PDZRN3: variants seen among roughly 807,000 people sequenced by gnomAD.
PDZRN3 encodes the protein E3 ubiquitin-protein ligase PDZRN3.
In PDZRN3, 38 loss-of-function variants were observed where a neutral mutation model predicts 85.7. That is an observed-to-expected ratio of 0.44 (90% CI 0.34 to 0.58). The LOEUF (loss-of-function observed/expected upper bound fraction) is 0.58, where lower values mean the gene tolerates loss of function less well. Ranked by LOEUF, PDZRN3 falls within the 20% of genes least tolerant of loss-of-function variation. PDZRN3 has a pLI of 0.01. For synonymous variants in PDZRN3, 759 were observed against 638.0 expected (o/e 1.19, Z -2.86); for missense variants, 1,629 against 1,506.4 (o/e 1.08, Z -1.35).
At chr3:73,549,261 C>A (rs138448890) in intron 3 of PDZRN3, among the ~76,000 whole-genome samples, 6 of 152,142 alleles carry the variant, frequency 3.9e-5, no homozygotes, top group Non-Finnish European at 8.8e-5. Flanking sequence ...TGGCAGTGCA[C>A]GACTTCAATT....
intron 3 of PDZRN3, among the ~76,000 whole-genome samples, chr3:73,588,716 C>G (rs1010186159): frequency 6.6e-6 from 1 of 152,200 alleles, no homozygotes; most frequent in African/African-American, 2.4e-5. Flanking sequence ...ATGACAATGA[C>G]TTTCCATTTA....
In PDZRN3 at chr3:73,483,035, T is replaced by C. The variant is rs571194529; in HGVS notation, c.919-78640A>G. 2.0e-5 allele frequency among the ~76,000 whole-genome samples: 3 copies of C among 152,344 alleles called. No individual in the cohort carries two copies. In the South Asian group the frequency reaches 6.2e-4, roughly 32 times the overall value. On this transcript the variant is annotated intron_variant, in intron 3 of 9. Coordinates refer to ENST00000263666, the MANE Select transcript of PDZRN3 (RefSeq NM_015009.3). ...GAGAACAGAAGAGAACAAACACGCATGCCTTGCCTTTGCTTTATAATCCAG... is the reference window on the plus strand; with the variant it reads ...GAGAACAGAAGAGAACAAACACGCACGCCTTGCCTTTGCTTTATAATCCAG...
chr3:73,498,981 G>C (rs966323985), intron 3 of PDZRN3, among the ~76,000 whole-genome samples: 11 of 152,142 alleles, frequency 7.2e-5, no homozygotes, highest in African/African-American at 2.7e-4. Flanking sequence ...ATACAAGCTG[G>C]GGTAGCAGGG....
intron 3 of PDZRN3, among the ~76,000 whole-genome samples, chr3:73,461,044 T>G (rs1232264219): frequency 6.6e-6 from 1 of 152,200 alleles, no homozygotes; most frequent in African/African-American, 2.4e-5. Context: ...TCAAGCCACC[T>G]TGGCCTCCCA....
chr3:73,454,571 T>G (rs755086659), intron 3 of PDZRN3, among the ~76,000 whole-genome samples: 38 of 152,182 alleles, frequency 2.5e-4, no homozygotes, highest in Non-Finnish European at 4.4e-4. Context: ...GGGTTGTTAT[T>G]GGAATTAATC....
In PDZRN3 at chr3:73,452,040, T is replaced by A. The variant is rs149413685; in HGVS notation, c.919-47645A>T. ...AATGTGGGTAAGCAATAACCTGCTA[T>A]GTCTTTATGGGCTAGTTAGCTCAGC... On this transcript the variant is annotated intron_variant, in intron 3 of 9. Transcript: ENST00000263666. Among the ~76,000 whole-genome samples the A allele has an allele frequency of 2.4e-3, 369 of 152,348 alleles. 3 individuals carry two copies. Among genetic ancestry groups the A allele is most frequent in the African/African-American group, 8.0e-3 (332 of 41,588 alleles).
At chr3:73,509,831 G>C (rs547575120) in intron 3 of PDZRN3, among the ~76,000 whole-genome samples, 1 of 152,184 alleles carries the variant, frequency 6.6e-6, no homozygotes, top group African/African-American at 2.4e-5. Context: ...GCACGGGCGG[G>C]CGGCTCTTCT....
rs148063336 is a variant in PDZRN3, at chr3:73,447,041, C to CTATATATA, written c.919-42654_919-42647dup. 1.6e-3 allele frequency among the ~76,000 whole-genome samples: 223 copies of CTATATATA among 140,966 alleles called. 1 individual carries two copies. The South Asian group carries it at 0.018, about 11-fold the overall frequency. 92.5% of individuals were successfully genotyped at this position (140,966 alleles called of 152,430 possible). A position where few individuals can be genotyped will look rare whatever the true frequency, so the allele number is the denominator to read the frequency against. On this transcript the variant is annotated intron_variant, in intron 3 of 9. Transcript: ENST00000263666. ...TCCCTGCTTCTGGCCAACCTCTTGA[C>CTATATATA]TATATATATATATATAAAGAATTGC...
chr3:73,447,041 C>CTATATATATA (rs148063336), intron 3 of PDZRN3, among the ~76,000 whole-genome samples: 3 of 140,984 alleles, frequency 2.1e-5, no homozygotes, highest in South Asian at 2.3e-4. Flanking sequence ...AACCTCTTGA[C>CTATATATATA]TATATATATA....
chr3:73,540,455 C>T (rs368702749), intron 3 of PDZRN3, among the ~76,000 whole-genome samples: 14 of 152,200 alleles, frequency 9.2e-5, no homozygotes, highest in African/African-American at 3.4e-4. Flanking sequence ...GTGTCCCCAC[C>T]CAAATCTCAT....
intron 3 of PDZRN3, among the ~76,000 whole-genome samples, chr3:73,412,794 G>A (rs1701999376): frequency 6.6e-6 from 1 of 152,230 alleles, no homozygotes; most frequent in African/African-American, 2.4e-5. Flanking sequence ...CATACCAAGT[G>A]CTCAGTGAAG....
At chr3:73,507,859 C>T (rs1033281338) in intron 3 of PDZRN3, among the ~76,000 whole-genome samples, 2 of 152,024 alleles carry the variant, frequency 1.3e-5, no homozygotes, top group Admixed American at 6.6e-5. Flanking sequence ...TTTGGGAGGA[C>T]GAGGTGGGCG....
chr3:73,408,052 A>G (rs1701889350), intron 3 of PDZRN3: 2 of 664,536 alleles, frequency 3.0e-6, no homozygotes, highest in South Asian at 3.2e-5. Flanking sequence ...ATTTCTGACA[A>G]CTGTGCCCAA....
chr3:73,586,618 G>A (rs137863462), intron 3 of PDZRN3, among the ~76,000 whole-genome samples: 20 of 151,406 alleles, frequency 1.3e-4, no homozygotes, highest in Middle Eastern at 3.5e-3. Flanking sequence ...ACACTTCACC[G>A]GGGGGGTCTC....
chr3:73,410,896 T>A (rs1319613017), intron 3 of PDZRN3, among the ~76,000 whole-genome samples: 1 of 152,198 alleles, frequency 6.6e-6, no homozygotes. Context: ...ATCGAAAAAT[T>A]AACATGTACA....
In PDZRN3 at chr3:73,449,054, T is replaced by C. The variant is rs143511565; in HGVS notation, c.919-44659A>G. Among the ~76,000 whole-genome samples the C allele has an allele frequency of 6.8e-4, 103 of 152,332 alleles. No homozygotes were observed. In the East Asian group the frequency reaches 0.018, roughly 27 times the overall value. ...TTGAGTTTCATTTTAAGCCTGGTCT[T>C]TGCAGAGAAAGGGGGAAGAAATCAC... On this transcript the variant is annotated intron_variant, in intron 3 of 9. Transcript: ENST00000263666.
chr3:73,472,440 A>G (rs902785083), intron 3 of PDZRN3, among the ~76,000 whole-genome samples: 2 of 152,212 alleles, frequency 1.3e-5, no homozygotes, highest in Non-Finnish European at 2.9e-5. Context: ...TTGCTGTTCA[A>G]AATTGCTGTA....
chr3:73,477,048 AT>A (rs1468803140), intron 3 of PDZRN3, among the ~76,000 whole-genome samples: 12 of 152,226 alleles, frequency 7.9e-5, no homozygotes, highest in Non-Finnish European at 1.3e-4. Context: ...AGTTCTTATA[AT>A]GTATCAGACA....
intron 3 of PDZRN3, among the ~76,000 whole-genome samples, chr3:73,414,570 T>C (rs1268552905): frequency 2.0e-5 from 3 of 152,222 alleles, no homozygotes; most frequent in Non-Finnish European, 1.5e-5. Context: ...TTTCATTAAA[T>C]TGATTGTGAT....
Sources: allele counts gnomAD v4.1 joint callset (sites outside exome capture counted in the v4.1 genomes callset), GRCh38; gene constraint gnomAD v4.1.1; transcripts MANE v1.5; gene names NCBI Gene and HGNC (gene_info 2026-07-23, HGNC 2026-07-21).